The following SLC39A12 variants were observed in gnomAD, a reference collection of about 807,000 sequenced individuals.
SLC39A12 encodes solute carrier family 39 member 12.
SLC39A12 carries 63 observed loss-of-function variants against 71.1 expected under a neutral mutation model. The observed-to-expected ratio is 0.89, with a 90% CI of 0.72 to 1.09. The LOEUF (loss-of-function observed/expected upper bound fraction) is 1.09, where lower values mean the gene tolerates loss of function less well. SLC39A12 is among the 50% of genes least tolerant of loss of function. The pLI is 0.00. For synonymous variants in SLC39A12, 351 were observed against 301.3 expected (o/e 1.16, Z -1.71); for missense variants, 892 against 812.6 (o/e 1.10, Z -1.19).
chr10:17,977,116 A>T (rs775511753), intron 4 of SLC39A12, among the ~76,000 whole-genome samples: 1 of 152,094 alleles, frequency 6.6e-6, no homozygotes, highest in Non-Finnish European at 1.5e-5. Context: ...TATTGTCTCG[A>T]TATTCTTAAA....
At chr10:17,981,980 G>A (rs935835467) in intron 6 of SLC39A12, among the ~76,000 whole-genome samples, 1 of 152,128 alleles carries the variant, frequency 6.6e-6, no homozygotes, top group Non-Finnish European at 1.5e-5. Context: ...GTGATCTTTA[G>A]CAATTTCTCC....
chr10:17,983,147 C>A (rs1342871252), intron 6 of SLC39A12, among the ~76,000 whole-genome samples: 4 of 131,694 alleles, frequency 3.0e-5, no homozygotes, highest in Non-Finnish European at 6.2e-5. Flanking sequence ...CCAGCCTGGG[C>A]GACAAAGCGA....
rs764431882 is a variant in SLC39A12 at position 18,000,699 on chromosome 10, C to T, written c.1633C>T (p.Leu545=). ...CATTAGCTTGTTAGCAATCATGATT[C>T]TGGTTGGGGACAGCCTGCATAATTT... ...KAISLLAIMI[L]VGDSLHNFAD... Residue 545 remains leucine, a synonymous_variant, in exon 11 of 13, where the codon CTG becomes TTG. Transcript: ENST00000377369. 6.2e-7 allele frequency: 1 copy of T among 1,614,014 alleles called. No individual in the cohort carries two copies. Among genetic ancestry groups the T allele is most frequent in the Non-Finnish European group, 8.5e-7 (1 of 1,180,028 alleles).
At position 18,042,214 on chromosome 10, in the gene SLC39A12, C is replaced by T. The variant is rs117699583; in HGVS notation, c.1948-491C>T. Among the ~76,000 whole-genome samples, 586 of 152,182 alleles carry T rather than the reference C, an allele frequency of 3.9e-3. 8 individuals are homozygous for T. The highest frequency in any genetic ancestry group is 0.025 in the Admixed American group (376 of 15,280). ...ACCAAAGGCCAGGTGCAGTGGCTCA[C>T]GCCTATAAGCCCCAGCACTTTGGGA... On this transcript the variant is annotated intron_variant, in intron 12 of 12. Transcript: ENST00000377369.
In SLC39A12 at chr10:17,961,682, C is replaced by G; in HGVS notation, c.363C>G (p.Tyr121Ter). ...VQRVSLLLLY[Y>*]IIHQEEICSS... ...GAGTTTCTCTTCTCCTTCTCTATTACATTATTCATCAGGAAGAGATCTGTT... is the reference window on the plus strand; with the variant it reads ...GAGTTTCTCTTCTCCTTCTCTATTAGATTATTCATCAGGAAGAGATCTGTT... The change falls in exon 3 of 13, where the codon TAC (tyrosine) becomes TAG (stop). Residue 121 changes from tyrosine to a stop codon, truncating the protein, a stop_gained. Coordinates refer to ENST00000377369, the MANE Select transcript of SLC39A12 (RefSeq NM_001145195.2). LOFTEE classifies it high-confidence loss of function. 6.2e-7 allele frequency: 1 copy of G among 1,613,934 alleles called. No individual in the cohort carries two copies. Among genetic ancestry groups the G allele is most frequent in the Non-Finnish European group, 8.5e-7 (1 of 1,179,862 alleles).
At chr10:18,027,585 C>T (rs1836714126) in intron 12 of SLC39A12, among the ~76,000 whole-genome samples, 1 of 152,184 alleles carries the variant, frequency 6.6e-6, no homozygotes, top group Non-Finnish European at 1.5e-5. Flanking sequence ...GAGCTTTCAG[C>T]AATTCATTCA....
At chr10:18,036,784 A>T (rs4027246) in intron 12 of SLC39A12, among the ~76,000 whole-genome samples, 542 of 7,610 alleles carry the variant, frequency 0.071, 24 homozygotes, top group African/African-American at 0.26. Flanking sequence ...ATATATATAT[A>T]TATATATATA....
intron 4 of SLC39A12, among the ~76,000 whole-genome samples, chr10:17,969,032 A>T (rs1360092906): frequency 2.0e-5 from 3 of 152,194 alleles, no homozygotes; most frequent in Non-Finnish European, 4.4e-5. Context: ...ATAAGTGAGA[A>T]TATGCAATGT....
chr10:17,978,075 G>C lies in SLC39A12; in HGVS notation c.924+1G>C, dbSNP rs779317295. 6.4e-7 allele frequency: 1 copy of C among 1,559,912 alleles called. No homozygotes were observed. The highest frequency in any genetic ancestry group is 8.6e-7 in the Non-Finnish European group (1 of 1,159,860). On this transcript the variant is annotated splice_donor_variant, in intron 5 of 12. Transcript: ENST00000377369. LOFTEE classifies it high-confidence loss of function. Reference sequence around the variant, plus strand: ...GGATGGTCCAGTTTCCTGGGATCAGGTATTGCCATTGTTTCTCTTATTCAA... The same window carrying C: ...GGATGGTCCAGTTTCCTGGGATCAGCTATTGCCATTGTTTCTCTTATTCAA...
intron 12 of SLC39A12, among the ~76,000 whole-genome samples, chr10:18,016,703 C>T (rs1836395009): frequency 6.6e-6 from 1 of 152,170 alleles, no homozygotes; most frequent in African/African-American, 2.4e-5. Flanking sequence ...CTCACCAGCA[C>T]TTGTTGCTGT....
At chr10:18,039,662 C>T (rs11012331) in intron 12 of SLC39A12, among the ~76,000 whole-genome samples, 9,076 of 152,074 alleles carry the variant, frequency 0.06, 369 homozygotes, top group Middle Eastern at 0.13. Flanking sequence ...CAGGAGTTCA[C>T]GGCTACAGTG....
rs1445561086 is a variant in SLC39A12 at position 17,977,208 on chromosome 10, C to CCTTTAATT, written c.752-687_752-680dup. On this transcript the variant is annotated intron_variant, in intron 4 of 12. Transcript: ENST00000377369. ...TATTGATTTTTTATTGTCAAACTTT[C>CCTTTAATT]CTTTAATTCTTTAAATATAATTTCT... Among the ~76,000 whole-genome samples, 6 of 151,910 alleles carry CCTTTAATT rather than the reference C, an allele frequency of 3.9e-5. No homozygotes were observed. In the South Asian group the frequency reaches 1.0e-3, roughly 26 times the overall value.
chr10:18,002,225 C>T (rs937374023), intron 11 of SLC39A12: 8 of 152,070 alleles, frequency 5.3e-5, no homozygotes, highest in Non-Finnish European at 7.3e-5. Context: ...CTTCCACTTT[C>T]GCACCTACAT....
At chr10:18,029,822 A>G (rs1326738848) in intron 12 of SLC39A12, among the ~76,000 whole-genome samples, 1 of 151,398 alleles carries the variant, frequency 6.6e-6, no homozygotes, top group Non-Finnish European at 1.5e-5. Flanking sequence ...AAAAAATAAA[A>G]TAAATACTCT....
intron 8 of SLC39A12, among the ~76,000 whole-genome samples, chr10:17,992,088 C>CAAAAAAAAAAAAAAAAAAAAA (rs59014549): frequency 2.3e-5 from 2 of 87,226 alleles, no homozygotes; most frequent in Non-Finnish European, 2.1e-5. Flanking sequence ...GACTCCATCT[C>CAAAAAAAAAAAAAAAAAAAAA]AAAAAAAAAA....
chr10:17,986,940 G>C (rs1437250585), intron 6 of SLC39A12, among the ~76,000 whole-genome samples: 3 of 152,142 alleles, frequency 2.0e-5, no homozygotes, highest in Non-Finnish European at 2.9e-5. Context: ...GGGAGTTCAG[G>C]ATTATAGTGA....
chr10:18,018,750 C>G (rs894696450), intron 12 of SLC39A12, among the ~76,000 whole-genome samples: 7 of 152,036 alleles, frequency 4.6e-5, no homozygotes, highest in African/African-American at 1.7e-4. Context: ...AGTTATAATT[C>G]CTTTTGTACA....
intron 12 of SLC39A12, among the ~76,000 whole-genome samples, chr10:18,025,632 A>G (rs983783004): frequency 2.6e-5 from 4 of 152,132 alleles, no homozygotes; most frequent in Non-Finnish European, 5.9e-5. Context: ...CCAGTCTATC[A>G]TTGTTGGACA....
chr10:18,006,950 G>A (rs1025563528), intron 12 of SLC39A12, among the ~76,000 whole-genome samples: 1 of 152,146 alleles, frequency 6.6e-6, no homozygotes, highest in African/African-American at 2.4e-5. Context: ...GTCAGAGATG[G>A]GGCTGAGTGC....
Sources: gnomAD v4.1 joint callset for allele counts (sites outside exome capture counted in the v4.1 genomes callset) on GRCh38, gnomAD v4.1.1 for gene constraint, MANE v1.5 for transcripts, NCBI Gene and HGNC (gene_info 2026-07-23, HGNC 2026-07-21) for gene names.